C1orf141: variants seen among roughly 807,000 people sequenced by gnomAD.
C1orf141 encodes uncharacterized protein C1orf141.
C1orf141 carries 19 observed loss-of-function variants against 23.2 expected under a neutral mutation model. That is an observed-to-expected ratio of 0.82 (90% CI 0.57 to 1.20). C1orf141 has a LOEUF of 1.20. C1orf141 is among the 50% of genes most tolerant of loss of function. C1orf141 has a pLI of 0.00. For synonymous variants in C1orf141, 153 were observed against 154.6 expected (o/e 0.99, Z 0.08); for missense variants, 469 against 455.1 (o/e 1.03, Z -0.28).
intron 1 of C1orf141, among the ~76,000 whole-genome samples, chr1:67,134,527 G>A (rs1406111860): frequency 6.6e-6 from 1 of 152,188 alleles, no homozygotes; most frequent in African/African-American, 2.4e-5. Flanking sequence ...GGCCCCCAGA[G>A]CCTCTCGCAT....
At position 67,113,172 on chromosome 1, in the gene C1orf141, GT is replaced by G. The variant is rs747148803; in HGVS notation, c.346+2179del. On this transcript the variant is annotated intron_variant, in intron 5 of 7. Coordinates refer to ENST00000684719, the MANE Select transcript of C1orf141 (RefSeq NM_001276351.2). The stretch of plus-strand genomic sequence containing the variant: ...TTTTTGTATTTTTAGTAGAGATGGG[GT>G]TTCACCATGTTGGCCAGGCTGGTCT... Among the ~76,000 whole-genome samples, 61 of 151,914 alleles carry G rather than the reference GT, an allele frequency of 4.0e-4. 1 individual carries two copies. The highest frequency in any genetic ancestry group is 3.1e-4 in the Non-Finnish European group (21 of 67,968).
chr1:67,131,112 A>C (rs1646508487), intron 2 of C1orf141, 30 bp downstream of exon 2: 1 of 152,286 alleles, frequency 6.6e-6, no homozygotes, highest in Admixed American at 6.6e-5. Context: ...TCAAGACGAT[A>C]TTAAATGGGC....
At chr1:67,139,470 T>G (rs1646614316), upstream of C1orf141, among the ~76,000 whole-genome samples, 1 of 152,240 alleles carries the variant, frequency 6.6e-6, no homozygotes, top group African/African-American at 2.4e-5. Flanking sequence ...AACTTGATTA[T>G]AAGTTCTAAG....
chr1:67,118,575 G>A (rs1222514047), intron 4 of C1orf141, among the ~76,000 whole-genome samples: 1 of 152,196 alleles, frequency 6.6e-6, no homozygotes, highest in Non-Finnish European at 1.5e-5. Flanking sequence ...CAGGATACTT[G>A]AGTTTCTGGG....
chr1:67,093,438 A>G lies in C1orf141; in HGVS notation c.770T>C (p.Ile257Thr). 1.2e-6 allele frequency: 2 copies of G among 1,611,558 alleles called. No individual in the cohort carries two copies. The highest frequency in any genetic ancestry group is 1.7e-6 in the Non-Finnish European group (2 of 1,178,168). ...AAGAGAAATAGATTGATTGCCAATTATAGATTTGAGGATTTCACAATTTCT... is the reference window on the plus strand; with the variant it reads ...AAGAGAAATAGATTGATTGCCAATTGTAGATTTGAGGATTTCACAATTTCT... ...LERNCEILKS[I>T]IGNQSISLFK... Residue 257 changes from isoleucine to threonine, a missense_variant, in exon 8 of 8, where the codon ATA (isoleucine) becomes ACA (threonine). By Grantham distance (89) the Ile-to-Thr change is moderately conservative (BLOSUM62 -1). Transcript: ENST00000684719.
chr1:67,097,778 G>A (rs1430171761), intron 5 of C1orf141, among the ~76,000 whole-genome samples: 1 of 152,160 alleles, frequency 6.6e-6, no homozygotes, highest in Admixed American at 6.6e-5. Context: ...TTGTTGTCTA[G>A]ATGAACATGT....
At chr1:67,112,172 A>T (rs747724224) in intron 5 of C1orf141, among the ~76,000 whole-genome samples, 8 of 152,216 alleles carry the variant, frequency 5.3e-5, no homozygotes, top group Non-Finnish European at 1.0e-4. Flanking sequence ...GTTACTTAAC[A>T]TCTGTGAGTC....
intron 4 of C1orf141, among the ~76,000 whole-genome samples, chr1:67,118,302 GA>G (rs751251477): frequency 3.2e-4 from 48 of 152,092 alleles, no homozygotes; most frequent in Non-Finnish European, 6.0e-4. Flanking sequence ...GGGGAAAAAA[GA>G]AAAATATCAG....
In C1orf141 at chr1:67,092,790, C is replaced by T. The variant is rs1645581487; in HGVS notation, c.*215G>A. The T allele has an allele frequency of 2.7e-6, 1 of 367,520 alleles. No individual in the cohort carries two copies. Among genetic ancestry groups the T allele is most frequent in the Non-Finnish European group, 4.9e-6 (1 of 203,270 alleles). The allele number at this position is 367,520 out of a possible 1,614,324, so 22.8% of individuals were successfully genotyped here. On this transcript the variant is annotated 3_prime_UTR_variant, in exon 8 of 8. Coordinates refer to ENST00000684719, the MANE Select transcript of C1orf141 (RefSeq NM_001276351.2). Reference sequence around the variant, plus strand: ...AATAGAAAGTCATGAACTAGATCCTCTTGGTGATAATTATTTCCTAATTTT... The same window carrying T: ...AATAGAAAGTCATGAACTAGATCCTTTTGGTGATAATTATTTCCTAATTTT...
chr1:67,137,889 T>C (rs1392302145), upstream of C1orf141, among the ~76,000 whole-genome samples: 1 of 152,244 alleles, frequency 6.6e-6, no homozygotes, highest in African/African-American at 2.4e-5. Context: ...TCTCCACCCC[T>C]GCCTTCTGTC....
chr1:67,114,823 G>A (rs375487875), intron 5 of C1orf141, among the ~76,000 whole-genome samples: 1 of 152,114 alleles, frequency 6.6e-6, no homozygotes, highest in Non-Finnish European at 1.5e-5. Flanking sequence ...TTACAGGCAC[G>A]CACCACCATG....
At chr1:67,095,972 CT>C (rs1645670834) in intron 6 of C1orf141, 1 of 229,670 alleles carries the variant, frequency 4.4e-6, no homozygotes. Flanking sequence ...AGAAAAGCTA[CT>C]TTTTCATGTC....
chr1:67,140,890 G>A (rs778728153), intron 1 of C1orf141, among the ~76,000 whole-genome samples: 1 of 151,982 alleles, frequency 6.6e-6, no homozygotes, highest in Non-Finnish European at 1.5e-5. Context: ...AATGAATTTA[G>A]AGATATTAAA....
intron 4 of C1orf141, chr1:67,121,889 C>G (rs779068448): frequency 6.6e-6 from 1 of 152,178 alleles, no homozygotes; most frequent in Non-Finnish European, 1.5e-5. Context: ...GACCATACCC[C>G]TCTCCATTTC....
chr1:67,115,544 T>C (rs771021092), intron 4 of C1orf141, 80 bp from the exon 5 acceptor site: 17 of 607,174 alleles, frequency 2.8e-5, no homozygotes, highest in Non-Finnish European at 4.8e-5. Flanking sequence ...TTTGGAGGAA[T>C]GTGAAGTCCT....
intron 5 of C1orf141, among the ~76,000 whole-genome samples, chr1:67,110,910 T>C (rs778233311): frequency 6.7e-6 from 1 of 148,650 alleles, no homozygotes; most frequent in Non-Finnish European, 1.5e-5. Flanking sequence ...TCTCCATATT[T>C]CTTTATATAT....
chr1:67,118,149 C>T (rs1646231983), intron 4 of C1orf141, among the ~76,000 whole-genome samples: 1 of 152,008 alleles, frequency 6.6e-6, no homozygotes, highest in Admixed American at 6.6e-5. Flanking sequence ...GCAATTATTC[C>T]GTTGCCTTAG....
At chr1:67,099,387 A>G (rs1457831309) in intron 5 of C1orf141, among the ~76,000 whole-genome samples, 1 of 152,232 alleles carries the variant, frequency 6.6e-6, no homozygotes, top group Non-Finnish European at 1.5e-5. Flanking sequence ...TGACAGCAAA[A>G]TAAAGGCACT....
chr1:67,095,961 A>T, intron 6 of C1orf141: 1 of 219,280 alleles, frequency 4.6e-6, no homozygotes, highest in Non-Finnish European at 9.0e-6. Flanking sequence ...ACTTTATCCA[A>T]AGAAAAGCTA....
Sources: gnomAD v4.1 joint callset for allele counts (sites outside exome capture counted in the v4.1 genomes callset) on GRCh38, gnomAD v4.1.1 for gene constraint, MANE v1.5 for transcripts, NCBI Gene and HGNC (gene_info 2026-07-23, HGNC 2026-07-21) for gene names.